The following NHSL3 variants were observed in gnomAD, a reference collection of about 807,000 sequenced individuals.
The protein encoded by NHSL3 is NHS like 3.
At chr1:32,767,973 A>C in the NHSL3 span, 9 of 1,608,506 alleles carry the variant, frequency 5.6e-6, no homozygotes, top group African/African-American at 1.1e-4. Flanking sequence ...CTTCCTCTCC[A>C]CTCCCCTCCC....
chr1:32,754,570 C>T, the NHSL3 span, among the ~76,000 whole-genome samples: 1 of 152,154 alleles, frequency 6.6e-6, no homozygotes, highest in African/African-American at 2.4e-5. Context: ...CAGATCCAGA[C>T]ACACAGGCAC....
the NHSL3 span, among the ~76,000 whole-genome samples, chr1:32,767,311 T>C: frequency 5.3e-5 from 8 of 152,168 alleles, no homozygotes; most frequent in Admixed American, 1.3e-4. Context: ...GAGTGACGTG[T>C]GAGTACATAG....
At chr1:32,757,629 G>A in the NHSL3 span, among the ~76,000 whole-genome samples, 1 of 152,284 alleles carries the variant, frequency 6.6e-6, no homozygotes, top group Admixed American at 6.5e-5. Context: ...TCCCTATGCT[G>A]TCCCTTTACA....
At chr1:32,758,664 G>T in the NHSL3 span, among the ~76,000 whole-genome samples, 5 of 152,032 alleles carry the variant, frequency 3.3e-5, no homozygotes, top group African/African-American at 9.7e-5. Context: ...ACTCAAGGAA[G>T]GGAAGCACTG....
the NHSL3 span, among the ~76,000 whole-genome samples, chr1:32,743,948 C>A: frequency 6.6e-6 from 1 of 152,330 alleles, no homozygotes; most frequent in South Asian, 2.1e-4. Context: ...CCCTTTTACT[C>A]CAGCCTCCTA....
the NHSL3 span, chr1:32,768,757 G>T: frequency 6.2e-7 from 1 of 1,613,984 alleles, no homozygotes; most frequent in Non-Finnish European, 8.5e-7. Context: ...CATCCGCTCG[G>T]AGATGATCCA....
the NHSL3 span, among the ~76,000 whole-genome samples, chr1:32,761,442 C>T: frequency 1.2e-3 from 181 of 152,168 alleles, 1 homozygote; most frequent in Non-Finnish European, 2.1e-3. Context: ...GTGGCCCTGA[C>T]TGCCAGCTGT....
At chr1:32,753,180 G>A in the NHSL3 span, among the ~76,000 whole-genome samples, 2 of 151,518 alleles carry the variant, frequency 1.3e-5, no homozygotes, top group Admixed American at 6.6e-5. Context: ...TGTTGGCCAG[G>A]CTGGTTAAAA....
chr1:32,756,182 C>T, the NHSL3 span, among the ~76,000 whole-genome samples: 6 of 152,148 alleles, frequency 3.9e-5, no homozygotes, highest in East Asian at 1.9e-4. Context: ...AGGAAATATT[C>T]TAGGCAATAT....
chr1:32,746,336 A>G, the NHSL3 span, among the ~76,000 whole-genome samples: 1 of 152,158 alleles, frequency 6.6e-6, no homozygotes, highest in Non-Finnish European at 1.5e-5. Flanking sequence ...GTGTGTGGGT[A>G]GGAAGTGTTT....
chr1:32,772,722 A>T, the NHSL3 span: 1 of 870,264 alleles, frequency 1.1e-6, no homozygotes, highest in Non-Finnish European at 1.9e-6. Flanking sequence ...GAACATGTGT[A>T]GGGTGTCCAG....
chr1:32,749,661 T>C, the NHSL3 span, among the ~76,000 whole-genome samples: 1 of 152,124 alleles, frequency 6.6e-6, no homozygotes. Context: ...GAGAGGTGCC[T>C]CTGCTAGGGG....
chr1:32,766,470 C>G, the NHSL3 span, among the ~76,000 whole-genome samples: 3 of 152,054 alleles, frequency 2.0e-5, no homozygotes, highest in Non-Finnish European at 4.4e-5. Context: ...TTAGGCAAGG[C>G]CTTGCCCCTT....
the NHSL3 span, among the ~76,000 whole-genome samples, chr1:32,757,468 A>G: frequency 1.3e-5 from 2 of 151,684 alleles, no homozygotes; most frequent in African/African-American, 4.8e-5. Context: ...AGTGGAGAGG[A>G]GTGGCAGCTG....
At chr1:32,761,033 C>T in the NHSL3 span, among the ~76,000 whole-genome samples, 5 of 152,084 alleles carry the variant, frequency 3.3e-5, no homozygotes, top group Admixed American at 6.6e-5. Context: ...GTGCTGGGGG[C>T]GTGGCCACCA....
At chr1:32,742,151 CGGA>C in the NHSL3 span, 3 of 1,244,050 alleles carry the variant, frequency 2.4e-6, no homozygotes, top group Non-Finnish European at 2.0e-6. Context: ...GCCAAGAAGG[CGGA>C]GGACAAGGCC....
the NHSL3 span, among the ~76,000 whole-genome samples, chr1:32,769,504 C>T: frequency 2.0e-5 from 3 of 152,184 alleles, no homozygotes; most frequent in African/African-American, 7.2e-5. Context: ...GACTTAGTAG[C>T]CTTAGTCTTA....
At chr1:32,760,588 GT>G in the NHSL3 span, among the ~76,000 whole-genome samples, 91 of 138,682 alleles carry the variant, frequency 6.6e-4, no homozygotes, top group East Asian at 1.5e-3. Flanking sequence ...GTGTGTGTGT[GT>G]TTTTTTTTTT....
chr1:32,745,742 G>A, the NHSL3 span, among the ~76,000 whole-genome samples: 17 of 152,206 alleles, frequency 1.1e-4, no homozygotes, highest in South Asian at 2.5e-3. Context: ...ATGCAAGTGC[G>A]TTGTGAACTG....
Sources: allele counts gnomAD v4.1 joint callset (sites outside exome capture counted in the v4.1 genomes callset), GRCh38; gene constraint gnomAD v4.1.1; transcripts MANE v1.5; gene names NCBI Gene and HGNC (gene_info 2026-07-23, HGNC 2026-07-21).